Variants in ZNF438 observed in about 807,000 individuals in gnomAD.
ZNF438 encodes zinc finger protein 438.
A neutral mutation model predicts 38.0 loss-of-function variants in ZNF438; 25 were observed. The observed-to-expected ratio is 0.66, with a 90% CI of 0.48 to 0.92. The LOEUF (loss-of-function observed/expected upper bound fraction) is 0.92, where lower values mean the gene tolerates loss of function less well. ZNF438 is among the 40% of genes least tolerant of loss of function. The pLI, the probability that ZNF438 is intolerant of heterozygous loss-of-function variation, is 0.00. For missense variants in ZNF438, 1,007 were observed against 999.6 expected (o/e 1.01, Z -0.10); for synonymous variants, 372 against 364.1 (o/e 1.02, Z -0.25).
chr10:30,960,261 T>C (rs1165199705), intron 1 of ZNF438, among the ~76,000 whole-genome samples: 1 of 147,488 alleles, frequency 6.8e-6, no homozygotes, highest in Non-Finnish European at 1.5e-5. Context: ...TTTTGTAGCA[T>C]AAAAATGTTA....
At chr10:30,937,984 T>C (rs2046424857) in intron 2 of ZNF438, among the ~76,000 whole-genome samples, 1 of 152,154 alleles carries the variant, frequency 6.6e-6, no homozygotes, top group Non-Finnish European at 1.5e-5. Flanking sequence ...CTGGATGATA[T>C]CAGAACCACG....
intron 3 of ZNF438, among the ~76,000 whole-genome samples, chr10:30,891,145 A>G (rs529329739): frequency 1.5e-4 from 23 of 152,328 alleles, no homozygotes; most frequent in African/African-American, 5.3e-4. Context: ...CCTCTTAATC[A>G]GAAAATTTGT....
chr10:30,901,980 C>T (rs1387275520), intron 3 of ZNF438, among the ~76,000 whole-genome samples: 1 of 151,806 alleles, frequency 6.6e-6, no homozygotes, highest in South Asian at 2.1e-4. Context: ...CTGGTGGGTT[C>T]GTGATCTGGC....
At chr10:30,869,185 T>C (rs988233374) in intron 4 of ZNF438, among the ~76,000 whole-genome samples, 6 of 152,124 alleles carry the variant, frequency 3.9e-5, no homozygotes, top group African/African-American at 1.4e-4. Flanking sequence ...CCAGCCTGGC[T>C]AACACGGTGA....
chr10:30,929,122 G>A (rs959765176), intron 2 of ZNF438, among the ~76,000 whole-genome samples: 3 of 152,238 alleles, frequency 2.0e-5, no homozygotes, highest in African/African-American at 7.2e-5. Flanking sequence ...GCCAGGCACA[G>A]TGGCTTATGC....
intron 1 of ZNF438, among the ~76,000 whole-genome samples, chr10:30,955,411 T>A (rs567739710): frequency 6.6e-6 from 1 of 152,310 alleles, no homozygotes; most frequent in Non-Finnish European, 1.5e-5. Flanking sequence ...CAGAATATAG[T>A]GGAAGTGATA....
intron 2 of ZNF438, among the ~76,000 whole-genome samples, chr10:30,926,915 A>C (rs1264805544): frequency 6.6e-6 from 1 of 152,172 alleles, no homozygotes; most frequent in Non-Finnish European, 1.5e-5. Context: ...AAATCAAGTT[A>C]AGTAGGTTAA....
intron 4 of ZNF438, among the ~76,000 whole-genome samples, chr10:30,871,736 G>A (rs1466031263): frequency 1.3e-5 from 2 of 152,068 alleles, no homozygotes; most frequent in South Asian, 2.1e-4. Context: ...AAAATCTAGG[G>A]GTTTTTAAAA....
At chr10:30,901,659 G>T (rs2042000285) in intron 3 of ZNF438, among the ~76,000 whole-genome samples, 1 of 151,720 alleles carries the variant, frequency 6.6e-6, no homozygotes, top group South Asian at 2.1e-4. Flanking sequence ...ATAGGCGATG[G>T]TCTCACCGCT....
intron 1 of ZNF438, among the ~76,000 whole-genome samples, chr10:31,024,245 C>A (rs2056794063): frequency 6.6e-6 from 1 of 152,194 alleles, no homozygotes; most frequent in South Asian, 2.1e-4. Context: ...AAACCAACTT[C>A]TTTTTCTATA....
At chr10:30,847,143 C>T (rs536726730) in intron 5 of ZNF438, among the ~76,000 whole-genome samples, 17 of 152,292 alleles carry the variant, frequency 1.1e-4, no homozygotes, top group Admixed American at 8.5e-4. Flanking sequence ...GGGAGGTCCC[C>T]GGTGAAGCCC....
chr10:30,955,034 CCT>C (rs1340263569), intron 1 of ZNF438, among the ~76,000 whole-genome samples: 2 of 152,178 alleles, frequency 1.3e-5, no homozygotes, highest in Non-Finnish European at 2.9e-5. Context: ...CTGTATGTTT[CCT>C]GTTTCCCTAT....
intron 1 of ZNF438, among the ~76,000 whole-genome samples, chr10:31,003,923 T>C (rs1051052686): frequency 2.0e-5 from 3 of 152,128 alleles, no homozygotes; most frequent in Admixed American, 6.5e-5. Context: ...GGAGAGCATA[T>C]ATGGAAGAAA....
chr10:30,878,141 C>T (rs1374453883), intron 3 of ZNF438, among the ~76,000 whole-genome samples: 1 of 152,210 alleles, frequency 6.6e-6, no homozygotes, highest in Non-Finnish European at 1.5e-5. Context: ...CTGAAACCTG[C>T]TGCCCAAGGT....
chr10:31,018,065 T>C (rs971024149), intron 1 of ZNF438, among the ~76,000 whole-genome samples: 2 of 152,176 alleles, frequency 1.3e-5, no homozygotes, highest in Non-Finnish European at 2.9e-5. Context: ...CTGGTTGAGG[T>C]GGAAAAGCAA....
intron 4 of ZNF438, among the ~76,000 whole-genome samples, chr10:30,860,319 T>C (rs987453882): frequency 2.6e-5 from 4 of 152,214 alleles, no homozygotes; most frequent in Admixed American, 6.5e-5. Flanking sequence ...TCAATTATAT[T>C]TCTCCACAAC....
intron 3 of ZNF438, among the ~76,000 whole-genome samples, chr10:30,895,044 A>G (rs2041154768): frequency 1.3e-5 from 2 of 152,252 alleles, no homozygotes; most frequent in African/African-American, 4.8e-5. Context: ...AGGCATTAAC[A>G]CATAGGAAAG....
intron 4 of ZNF438, among the ~76,000 whole-genome samples, chr10:30,860,999 G>A (rs921515933): frequency 1.3e-5 from 2 of 152,150 alleles, no homozygotes; most frequent in African/African-American, 4.8e-5. Context: ...AAGACAGCCT[G>A]AGTACAGAAA....
At chr10:30,872,133 G>C (rs1329808890) in intron 4 of ZNF438, among the ~76,000 whole-genome samples, 5 of 151,974 alleles carry the variant, frequency 3.3e-5, no homozygotes, top group Admixed American at 2.0e-4. Context: ...CGGTGGCTCA[G>C]GCCTGTAATC....
Sources: gnomAD v4.1 joint callset for allele counts (sites outside exome capture counted in the v4.1 genomes callset) on GRCh38, gnomAD v4.1.1 for gene constraint, MANE v1.5 for transcripts, NCBI Gene and HGNC (gene_info 2026-07-23, HGNC 2026-07-21) for gene names.